The following A3GALT2 variants were observed in gnomAD, a reference collection of about 807,000 sequenced individuals.
The protein encoded by A3GALT2 is alpha 1,3-galactosyltransferase 2.
In A3GALT2, 14 loss-of-function variants were observed where a neutral mutation model predicts 16.6. That is an observed-to-expected ratio of 0.84 (90% CI 0.56 to 1.32). A3GALT2 has a LOEUF of 1.32. Among genes scored for constraint, A3GALT2 ranks in the 40% most tolerant of loss-of-function variants. The probability of loss-of-function intolerance (pLI) is 0.00; values close to 1 mark genes in which losing one functional copy is unlikely to be tolerated. For synonymous variants in A3GALT2, 253 were observed against 218.0 expected (o/e 1.16, Z -1.42); for missense variants, 600 against 490.9 (o/e 1.22, Z -2.10).
Position 33,312,102 on chromosome 1 carries a change from C to T in A3GALT2, c.285G>A (p.Glu95=). The T allele has an allele frequency of 6.2e-7, 1 of 1,613,748 alleles. No individual in the cohort carries two copies. Among genetic ancestry groups the T allele is most frequent in the East Asian group, 2.2e-5 (1 of 44,888 alleles). ...GSFDPDVAKQ[E]ARQQNLTIGL... ...CAATGGTGAGGTTCTGCTGTCTAGC[C>T]TCTTGCTTGGCCACATCTGGGTCGA... is the stretch of plus-strand genomic sequence containing the variant. The change falls in exon 4 of 5, where the codon GAG becomes GAA. Residue 95 remains glutamate, a synonymous_variant. Coordinates refer to ENST00000442999, the MANE Select transcript of A3GALT2 (RefSeq NM_001080438.1).
intron 1 of A3GALT2, among the ~76,000 whole-genome samples, chr1:33,316,538 G>A (rs919660118): frequency 1.3e-5 from 2 of 151,190 alleles, no homozygotes; most frequent in African/African-American, 4.9e-5. Context: ...GGGGTGGCAG[G>A]GAGGGCACTG....
chr1:33,309,745 G>A (rs867718804), intron 4 of A3GALT2, among the ~76,000 whole-genome samples: 2 of 151,740 alleles, frequency 1.3e-5, no homozygotes, highest in Non-Finnish European at 2.9e-5. Context: ...CTCAGACGAT[G>A]GGCGGCCGGG....
At chr1:33,307,500 C>T in intron 4 of A3GALT2, 47 bp from the exon 5 acceptor site, 2 of 1,409,376 alleles carry the variant, frequency 1.4e-6, no homozygotes, top group African/African-American at 1.5e-5. Flanking sequence ...GCGAGGCGGG[C>T]CCGGCCTCCC....
At chr1:33,312,280 AG>A in intron 3 of A3GALT2, 91 bp from the exon 4 acceptor site, 1 of 1,535,580 alleles carries the variant, frequency 6.5e-7, no homozygotes, top group Non-Finnish European at 8.8e-7. Flanking sequence ...GCTGAGCCCT[AG>A]GGACCCATAG....
rs764734602 is a variant in A3GALT2, at chr1:33,312,037, C to T, written c.335+15G>A. On this transcript the variant is annotated intron_variant, in intron 4 of 4. Coordinates refer to ENST00000442999, the MANE Select transcript of A3GALT2 (RefSeq NM_001080438.1). ...TCACAGCTTTGACAGCACTGCTCCCCTTCCCAGGCCTTACCTGCCTACAGC... is the reference window on the plus strand; with the variant it reads ...TCACAGCTTTGACAGCACTGCTCCCTTTCCCAGGCCTTACCTGCCTACAGC... The T allele has an allele frequency of 1.2e-5, 20 of 1,613,194 alleles. No individual in the cohort carries two copies. Among genetic ancestry groups the T allele is most frequent in the African/African-American group, 4.0e-5 (3 of 74,936 alleles).
chr1:33,319,357 C>T (rs560793947), intron 1 of A3GALT2, among the ~76,000 whole-genome samples: 5 of 152,090 alleles, frequency 3.3e-5, no homozygotes, highest in African/African-American at 1.2e-4. Flanking sequence ...GGGGCTGGGC[C>T]AGGGTCACTG....
rs1051849712 is a variant in A3GALT2 at position 33,308,812 on chromosome 1, A to G, written c.336-1359T>C. Among the ~76,000 whole-genome samples the G allele has an allele frequency of 1.5e-3, 163 of 108,646 alleles. 1 individual carries two copies. Among genetic ancestry groups the G allele is most frequent in the Non-Finnish European group, 1.3e-3 (73 of 58,168 alleles). 71.3% of individuals were successfully genotyped at this position (108,646 alleles called of 152,430 possible). On this transcript the variant is annotated intron_variant, in intron 4 of 4. Transcript: ENST00000442999. The stretch of plus-strand genomic sequence containing the variant: ...TATTGATCATTCTTGGGTGTTTCTC[A>G]GAGAGGGGGATTTGGCAGGGTCATA...
chr1:33,312,490 G>C lies in A3GALT2; in HGVS notation c.197+11C>G, dbSNP rs1378051417. 6.3e-7 allele frequency: 1 copy of C among 1,576,454 alleles called. No homozygotes were observed. Among genetic ancestry groups the C allele is most frequent in the Admixed American group, 1.8e-5 (1 of 55,224 alleles). On this transcript the variant is annotated intron_variant, in intron 3 of 4. Coordinates refer to ENST00000442999, the MANE Select transcript of A3GALT2 (RefSeq NM_001080438.1). Reference sequence around the variant, plus strand: ...GGTGCCCTTGGAGTAGGAGGGATGGGAGCTTCTTACCAGGGACGCAGGGCA... The same window carrying C: ...GGTGCCCTTGGAGTAGGAGGGATGGCAGCTTCTTACCAGGGACGCAGGGCA...
intron 1 of A3GALT2, among the ~76,000 whole-genome samples, chr1:33,313,158 T>G (rs1362001211): frequency 7.5e-6 from 1 of 132,604 alleles, no homozygotes; most frequent in Non-Finnish European, 1.6e-5. Context: ...CACAAGTGTT[T>G]GTGGCTCAGT....
At chr1:33,310,079 A>G (rs1239857709) in intron 4 of A3GALT2, among the ~76,000 whole-genome samples, 1 of 152,266 alleles carries the variant, frequency 6.6e-6, no homozygotes, top group East Asian at 1.9e-4. Context: ...AGGCGGGCAG[A>G]TCACTCGCAG....
At chr1:33,307,689 CCCT>C (rs1646203519) in intron 4 of A3GALT2, among the ~76,000 whole-genome samples, 1 of 48,620 alleles carries the variant, frequency 2.1e-5, no homozygotes, top group African/African-American at 8.9e-5. Context: ...CCCCATCTCA[CCCT>C]ACCCCAACCT....
chr1:33,315,192 G>C (rs12068881), intron 1 of A3GALT2, among the ~76,000 whole-genome samples: 2 of 152,088 alleles, frequency 1.3e-5, no homozygotes, highest in East Asian at 3.9e-4. Flanking sequence ...GCCCATCCTG[G>C]CCAACACGGT....
intron 2 of A3GALT2, 45 bp from the exon 3 acceptor site, chr1:33,312,635 T>C: frequency 6.6e-7 from 1 of 1,516,344 alleles, no homozygotes; most frequent in Non-Finnish European, 9.0e-7. Context: ...GTGAGAAGCA[T>C]GTCAGCCTGG....
At position 33,307,076 on chromosome 1, in the gene A3GALT2, G is replaced by T. The variant is rs1646197506; in HGVS notation, c.713C>A (p.Ala238Glu). 2 of 1,519,740 alleles carry T rather than the reference G, an allele frequency of 1.3e-6. No individual in the cohort carries two copies. The highest frequency in any genetic ancestry group is 2.5e-5 in the South Asian group (2 of 81,440). 94.1% of individuals were successfully genotyped at this position (1,519,740 alleles called of 1,614,324 possible). A position where few individuals can be genotyped will look rare whatever the true frequency, so the allele number is the denominator to read the frequency against. Reference protein sequence around the residue: ...PSWLLPFERDAHSAAAMAWGQ... With the variant: ...PSWLLPFERDEHSAAAMAWGQ... ...CCACGCCATCGCGGCGGCCGAATGC[G>T]CGTCGCGTTCGAAGGGCAGCAGCCA... The change falls in exon 5 of 5, where the codon GCG (alanine) becomes GAG (glutamate). Residue 238 changes from alanine (A) to glutamate (E), a missense_variant. Transcript: ENST00000442999.
intron 1 of A3GALT2, chr1:33,314,144 C>G (rs1359705728): frequency 6.7e-6 from 1 of 149,834 alleles, no homozygotes; most frequent in Non-Finnish European, 1.5e-5. Context: ...CTCACTGCAA[C>G]CTCTGCCTCC....
chr1:33,307,075 C>T lies in A3GALT2; in HGVS notation c.714G>A (p.Ala238=). Residue 238 remains alanine, a synonymous_variant, in exon 5 of 5, where the codon GCG becomes GCA. Coordinates refer to ENST00000442999, the MANE Select transcript of A3GALT2 (RefSeq NM_001080438.1). ...CCCACGCCATCGCGGCGGCCGAATG[C>T]GCGTCGCGTTCGAAGGGCAGCAGCC... ...PSWLLPFERD[A]HSAAAMAWGQ... 1 of 1,519,158 alleles carries T rather than the reference C, an allele frequency of 6.6e-7. No homozygotes were observed. Among genetic ancestry groups the T allele is most frequent in the Non-Finnish European group, 8.8e-7 (1 of 1,136,020 alleles). 94.1% of individuals were successfully genotyped at this position (1,519,158 alleles called of 1,614,324 possible).
At chr1:33,308,750 G>GTTGT (rs1646216251) in intron 4 of A3GALT2, among the ~76,000 whole-genome samples, 22 of 46,126 alleles carry the variant, frequency 4.8e-4, no homozygotes, top group Non-Finnish European at 7.2e-4. Context: ...TGTCAAAGTT[G>GTTGT]TTTTTTTTTT....
At chr1:33,309,586 C>T (rs187444162) in intron 4 of A3GALT2, among the ~76,000 whole-genome samples, 2,593 of 145,206 alleles carry the variant, frequency 0.018, 66 homozygotes, top group African/African-American at 0.062. Context: ...ACTTCTCAGA[C>T]GGGGCGGCCG....
At chr1:33,316,179 AG>A (rs1054586876) in intron 1 of A3GALT2, among the ~76,000 whole-genome samples, 2 of 152,088 alleles carry the variant, frequency 1.3e-5, no homozygotes, top group Admixed American at 1.3e-4. Context: ...GGGGGAAGAG[AG>A]GTCCATGGAA....
Sources: allele counts gnomAD v4.1 joint callset (sites outside exome capture counted in the v4.1 genomes callset), GRCh38; gene constraint gnomAD v4.1.1; transcripts MANE v1.5; gene names NCBI Gene and HGNC (gene_info 2026-07-23, HGNC 2026-07-21).